CTNNA3: variants seen among roughly 807,000 people sequenced by gnomAD.
CTNNA3 encodes catenin alpha 3.
A neutral mutation model predicts 95.7 loss-of-function variants in CTNNA3; 76 were observed. The observed-to-expected ratio is 0.79, with a 90% CI of 0.66 to 0.96. CTNNA3 has a LOEUF of 0.96. Among genes scored for constraint, CTNNA3 ranks in the 40% least tolerant of loss-of-function variants. The pLI is 0.00. For synonymous variants in CTNNA3, 431 were observed against 374.4 expected, an observed-to-expected ratio of 1.15 and a Z score of -1.74; for missense variants, 1,191 against 1,089.8, an observed-to-expected ratio of 1.09 and a Z score of -1.31.
chr10:66,509,845 G>A (rs1840593683), intron 11 of CTNNA3, among the ~76,000 whole-genome samples: 1 of 151,746 alleles, frequency 6.6e-6, no homozygotes. Flanking sequence ...ACTATCGCCA[G>A]TTTTACCCTT....
chr10:65,934,142 G>T (rs566746297), intron 17 of CTNNA3, among the ~76,000 whole-genome samples: 1 of 152,222 alleles, frequency 6.6e-6, no homozygotes, highest in South Asian at 2.1e-4. Flanking sequence ...TGGACTTCTT[G>T]TTATGATTTA....
At chr10:66,088,483 TTTTG>T (rs943071410) in intron 14 of CTNNA3, among the ~76,000 whole-genome samples, 2 of 126,576 alleles carry the variant, frequency 1.6e-5, no homozygotes, top group African/African-American at 3.0e-5. Flanking sequence ...TAGGTAGGTG[TTTTG>T]TGTGTGTGTG....
At chr10:66,633,898 C>CA (rs1182124235) in intron 9 of CTNNA3, among the ~76,000 whole-genome samples, 1 of 151,508 alleles carries the variant, frequency 6.6e-6, no homozygotes, top group African/African-American at 2.4e-5. Flanking sequence ...TTCTAATTTA[C>CA]AAAAAAACGC....
At chr10:66,061,553 A>T (rs893283544) in intron 15 of CTNNA3, among the ~76,000 whole-genome samples, 3 of 152,006 alleles carry the variant, frequency 2.0e-5, no homozygotes, top group African/African-American at 7.2e-5. Flanking sequence ...ATAATCCTTC[A>T]GTTGTTACGT....
Position 66,517,156 on chromosome 10 carries a change from A to AG in CTNNA3, c.1531+3460dup, listed in dbSNP as rs368099521. Among the ~76,000 whole-genome samples, 1,515 of 152,162 alleles carry AG rather than the reference A, an allele frequency of 1.0e-2. 28 individuals are homozygous for AG. Among genetic ancestry groups the AG allele is most frequent in the African/African-American group, 0.035 (1,439 of 41,502 alleles). On this transcript the variant is annotated intron_variant, in intron 11 of 17. Transcript: ENST00000433211. The stretch of plus-strand genomic sequence containing the variant: ...AGAATTGCTTGAATCCGGGAGGTGG[A>AG]GTTGCAGTGAGCCAAGATTGCGCCA...
chr10:66,014,337 A>G (rs1488185588), intron 15 of CTNNA3, among the ~76,000 whole-genome samples: 1 of 146,238 alleles, frequency 6.8e-6, no homozygotes, highest in East Asian at 2.0e-4. Context: ...GAGTAGCTTC[A>G]ATGGGTGCCA....
intron 7 of CTNNA3, among the ~76,000 whole-genome samples, chr10:67,139,059 A>C (rs1335787179): frequency 6.6e-6 from 1 of 152,216 alleles, no homozygotes; most frequent in Non-Finnish European, 1.5e-5. Flanking sequence ...TGAAAATAAA[A>C]GATACATATG....
intron 7 of CTNNA3, among the ~76,000 whole-genome samples, chr10:66,874,604 A>C (rs551926853): frequency 1.6e-4 from 24 of 152,278 alleles, no homozygotes; most frequent in African/African-American, 5.3e-4. Context: ...ATGCAGTATG[A>C]ATATAACTTC....
intron 10 of CTNNA3, among the ~76,000 whole-genome samples, chr10:66,553,321 CTT>C (rs1025889448): frequency 8.6e-5 from 13 of 151,244 alleles, no homozygotes; most frequent in African/African-American, 3.2e-4. Flanking sequence ...TTGGCATACA[CTT>C]TATACTCTAT....
At chr10:67,246,953 T>G (rs1212969227) in intron 5 of CTNNA3, among the ~76,000 whole-genome samples, 2 of 152,220 alleles carry the variant, frequency 1.3e-5, no homozygotes, top group Non-Finnish European at 2.9e-5. Context: ...ATTCTCATTT[T>G]TATTCACTAT....
intron 7 of CTNNA3, among the ~76,000 whole-genome samples, chr10:66,890,200 A>T (rs1845213150): frequency 6.6e-6 from 1 of 152,160 alleles, no homozygotes. Context: ...AGATAGATAA[A>T]TGAATAAATC....
chr10:66,807,832 T>C (rs1053401157), intron 7 of CTNNA3, among the ~76,000 whole-genome samples: 30 of 152,256 alleles, frequency 2.0e-4, no homozygotes, highest in African/African-American at 7.2e-4. Flanking sequence ...TGATAAGCTT[T>C]CTCGCATTTT....
intron 5 of CTNNA3, among the ~76,000 whole-genome samples, chr10:67,391,161 G>T (rs893114318): frequency 6.6e-6 from 1 of 152,014 alleles, no homozygotes; most frequent in Non-Finnish European, 1.5e-5. Flanking sequence ...AAACCCCATT[G>T]TCTCAGCCCA....
chr10:66,258,844 T>C lies in CTNNA3; in HGVS notation c.1884+21626A>G, dbSNP rs116410969. ...AATTACCCCCTAGCTAAAAAAGGAG[T>C]CTGTGCGTTCATCAATAAAACATGT... On this transcript the variant is annotated intron_variant, in intron 13 of 17. Coordinates refer to ENST00000433211, the MANE Select transcript of CTNNA3 (RefSeq NM_013266.4). Among the ~76,000 whole-genome samples the C allele has an allele frequency of 2.5e-3, 374 of 152,090 alleles. 3 individuals carry two copies. The highest frequency in any genetic ancestry group is 8.8e-3 in the African/African-American group (366 of 41,466).
chr10:67,303,156 T>C (rs1840397070), intron 5 of CTNNA3, among the ~76,000 whole-genome samples: 1 of 152,218 alleles, frequency 6.6e-6, no homozygotes, highest in Admixed American at 6.5e-5. Context: ...TGCTAATAGC[T>C]GTGAAGCTGT....
chr10:67,028,436 C>G (rs1263571382), intron 7 of CTNNA3, among the ~76,000 whole-genome samples: 1 of 151,586 alleles, frequency 6.6e-6, no homozygotes, highest in Non-Finnish European at 1.5e-5. Flanking sequence ...GTTTGACAAT[C>G]AGTCTTTATT....
At chr10:67,703,352 T>G (rs926936704) in intron 1 of CTNNA3, among the ~76,000 whole-genome samples, 3 of 152,106 alleles carry the variant, frequency 2.0e-5, no homozygotes, top group African/African-American at 7.2e-5. Context: ...ATATCCTTGA[T>G]GAACATTGAT....
intron 5 of CTNNA3, among the ~76,000 whole-genome samples, chr10:67,265,155 C>T (rs1050557440): frequency 1.3e-5 from 2 of 152,128 alleles, no homozygotes; most frequent in African/African-American, 4.8e-5. Context: ...ATTTCTGGAA[C>T]TGTGACAACT....
intron 5 of CTNNA3, among the ~76,000 whole-genome samples, chr10:67,369,460 G>A (rs1335566659): frequency 6.6e-6 from 1 of 152,114 alleles, no homozygotes; most frequent in African/African-American, 2.4e-5. Flanking sequence ...GGGCCTGCGA[G>A]CTAACTATGA....
Sources: gnomAD v4.1 joint callset for allele counts (sites outside exome capture counted in the v4.1 genomes callset) on GRCh38, gnomAD v4.1.1 for gene constraint, MANE v1.5 for transcripts, NCBI Gene and HGNC (gene_info 2026-07-23, HGNC 2026-07-21) for gene names.